The following RB1CC1 variants were observed in gnomAD, a reference collection of about 807,000 sequenced individuals.
RB1CC1 encodes RB1 inducible coiled-coil 1.
Under a neutral mutation model 177.5 loss-of-function variants are expected in RB1CC1, and 46 were observed. The observed-to-expected ratio is 0.26, with a 90% CI of 0.20 to 0.33. The LOEUF (loss-of-function observed/expected upper bound fraction) is 0.33, where lower values mean the gene tolerates loss of function less well. RB1CC1 is among the 10% of genes least tolerant of loss of function. RB1CC1 has a pLI of 1.00. For synonymous variants in RB1CC1, 666 were observed against 613.6 expected, an observed-to-expected ratio of 1.09 and a Z score of -1.26; for missense variants, 1,703 against 1,816.3, an observed-to-expected ratio of 0.94 and a Z score of 1.13.
At chr8:52,710,966 G>A (rs775025194) in intron 1 of RB1CC1, among the ~76,000 whole-genome samples, 104 of 152,152 alleles carry the variant, frequency 6.8e-4, no homozygotes, top group Non-Finnish European at 1.9e-4. Flanking sequence ...TGTGTGGAAT[G>A]TGAAGGAAAA....
chr8:52,698,959 GGGATTACA>G (rs1330874702), intron 1 of RB1CC1, among the ~76,000 whole-genome samples: 4 of 151,932 alleles, frequency 2.6e-5, no homozygotes, highest in Non-Finnish European at 5.9e-5. Context: ...CCAAAGTGCT[GGGATTACA>G]GGCATGAACC....
chr8:52,678,011 ATTG>A (rs1853306180), intron 5 of RB1CC1, among the ~76,000 whole-genome samples: 1 of 152,228 alleles, frequency 6.6e-6, no homozygotes, highest in Non-Finnish European at 1.5e-5. Context: ...AATTTTATGA[ATTG>A]TTAAAATTTA....
intron 1 of RB1CC1, among the ~76,000 whole-genome samples, chr8:52,702,352 T>G (rs1856156858): frequency 6.6e-6 from 1 of 152,204 alleles, no homozygotes; most frequent in Admixed American, 6.5e-5. Context: ...GTCAAAGTTA[T>G]AAAATTCTAC....
At chr8:52,693,661 C>G (rs1005236339) in intron 1 of RB1CC1, among the ~76,000 whole-genome samples, 2 of 152,092 alleles carry the variant, frequency 1.3e-5, no homozygotes, top group African/African-American at 4.8e-5. Context: ...GACAGTGTGG[C>G]GATTCCTCAA....
chr8:52,706,383 G>A (rs543850216), intron 1 of RB1CC1, among the ~76,000 whole-genome samples: 5 of 147,664 alleles, frequency 3.4e-5, no homozygotes, highest in Non-Finnish European at 6.0e-5. Context: ...TTTTGAGATG[G>A]ACTTTCACTC....
intron 1 of RB1CC1, among the ~76,000 whole-genome samples, chr8:52,694,566 T>C (rs1855203501): frequency 6.6e-6 from 1 of 152,210 alleles, no homozygotes. Context: ...CTTAACTATC[T>C]GGTCCTTTAG....
Position 52,627,192 on chromosome 8 carries a change from C to T in RB1CC1, c.4636+840G>A, listed in dbSNP as rs555018224. Among the ~76,000 whole-genome samples the T allele has an allele frequency of 2.0e-5, 3 of 152,058 alleles. No individual in the cohort carries two copies. The South Asian group carries it at 6.2e-4, about 32-fold the overall frequency. On this transcript the variant is annotated intron_variant, in intron 22 of 23. Coordinates refer to ENST00000025008, the MANE Select transcript of RB1CC1 (RefSeq NM_014781.5). ...TAAAAACCCGCCTCTACTAAAAATA[C>T]AAAAATTAGCTGGGCGTGGTGGCAC...
chr8:52,665,795 G>A (rs1281207421), intron 8 of RB1CC1, among the ~76,000 whole-genome samples: 1 of 152,130 alleles, frequency 6.6e-6, no homozygotes, highest in Non-Finnish European at 1.5e-5. Context: ...GACTAGGAAT[G>A]CCATTTGCTC....
chr8:52,705,446 T>G (rs945075883), intron 1 of RB1CC1, among the ~76,000 whole-genome samples: 3 of 152,134 alleles, frequency 2.0e-5, no homozygotes, highest in Admixed American at 6.5e-5. Context: ...TTAAAATGAG[T>G]GCTAAGTGTT....
At chr8:52,680,877 G>A (rs1335956721) in intron 5 of RB1CC1, among the ~76,000 whole-genome samples, 1 of 152,058 alleles carries the variant, frequency 6.6e-6, no homozygotes, top group Non-Finnish European at 1.5e-5. Flanking sequence ...CAAGATACTG[G>A]TTAGCATTAA....
chr8:52,633,316 GTA>G (rs1848895532), intron 20 of RB1CC1, among the ~76,000 whole-genome samples: 1 of 152,108 alleles, frequency 6.6e-6, no homozygotes. Flanking sequence ...AGCATCTATA[GTA>G]TACCAGTTAC....
intron 1 of RB1CC1, among the ~76,000 whole-genome samples, chr8:52,713,764 C>T (rs2150742584): frequency 6.6e-6 from 1 of 152,350 alleles, no homozygotes; most frequent in East Asian, 1.9e-4. Context: ...GGAGGGATCC[C>T]AAGGCTCCGG....
At chr8:52,699,211 C>T (rs1194799688) in intron 1 of RB1CC1, among the ~76,000 whole-genome samples, 1 of 152,196 alleles carries the variant, frequency 6.6e-6, no homozygotes, top group African/African-American at 2.4e-5. Context: ...AAGAACTTAA[C>T]AGACCTGGTT....
intron 8 of RB1CC1, among the ~76,000 whole-genome samples, chr8:52,662,112 AGT>A (rs775642308): frequency 1.2e-4 from 19 of 152,176 alleles, no homozygotes; most frequent in Non-Finnish European, 2.1e-4. Flanking sequence ...ATTATACAGT[AGT>A]ATATTAGACA....
intron 15 of RB1CC1, 79 bp from the exon 16 acceptor site, chr8:52,645,946 T>G (rs892045260): frequency 1.5e-6 from 2 of 1,347,690 alleles, no homozygotes; most frequent in Non-Finnish European, 1.0e-6. Context: ...TTTGGGAAAT[T>G]TATCTTCCTT....
At chr8:52,641,960 AAATAATAAT>A (rs140961129) in intron 18 of RB1CC1, among the ~76,000 whole-genome samples, 2 of 151,668 alleles carry the variant, frequency 1.3e-5, no homozygotes, top group Non-Finnish European at 2.9e-5. Flanking sequence ...ATGAATAAAC[AAATAATAAT>A]AATAATAATA....
chr8:52,653,259 G>A (rs1331564080), intron 15 of RB1CC1, among the ~76,000 whole-genome samples: 1 of 152,100 alleles, frequency 6.6e-6, no homozygotes, highest in East Asian at 1.9e-4. Flanking sequence ...AACAGCAGAG[G>A]GAGATGAGAA....
At chr8:52,645,651 TTA>T in intron 16 of RB1CC1, 49 bp downstream of exon 16, 1 of 1,547,424 alleles carries the variant, frequency 6.5e-7, no homozygotes, top group Non-Finnish European at 8.8e-7. Context: ...ATTTGTTAAT[TTA>T]TGTCTACCTT....
At chr8:52,707,163 T>C (rs987639295) in intron 1 of RB1CC1, among the ~76,000 whole-genome samples, 18 of 152,212 alleles carry the variant, frequency 1.2e-4, no homozygotes, top group African/African-American at 4.3e-4. Flanking sequence ...TCTATACATA[T>C]ATGGAAGTTA....
Sources: allele counts gnomAD v4.1 joint callset (sites outside exome capture counted in the v4.1 genomes callset), GRCh38; gene constraint gnomAD v4.1.1; transcripts MANE v1.5; gene names NCBI Gene and HGNC (gene_info 2026-07-23, HGNC 2026-07-21).